TMEM14C: variants seen among roughly 807,000 people sequenced by gnomAD.
TMEM14C encodes chromosome 6 open reading frame 53.
TMEM14C carries 13 observed loss-of-function variants against 14.8 expected under a neutral mutation model. That is an observed-to-expected ratio of 0.88 (90% CI 0.57 to 1.40). TMEM14C has a LOEUF of 1.40. Ranked by LOEUF, TMEM14C falls within the 40% of genes most tolerant of loss-of-function variation. TMEM14C has a pLI of 0.00. For missense variants in TMEM14C, 142 were observed against 138.8 expected (o/e 1.02, Z -0.12); for synonymous variants, 57 against 51.3 (o/e 1.11, Z -0.48).
chr6:10,730,115 TAAAA>T (rs1264350468), intron 5 of TMEM14C, among the ~76,000 whole-genome samples: 2 of 151,842 alleles, frequency 1.3e-5, no homozygotes, highest in Non-Finnish European at 2.9e-5. Flanking sequence ...AAAATAAAAA[TAAAA>T]AACCTTCTCA....
intron 4 of TMEM14C, among the ~76,000 whole-genome samples, chr6:10,726,617 G>T (rs1333550135): frequency 6.6e-6 from 1 of 152,160 alleles, no homozygotes; most frequent in African/African-American, 2.4e-5. Flanking sequence ...TTGAACCTGG[G>T]AGGCAGAGAT....
In TMEM14C at chr6:10,730,881, A is replaced by C; in HGVS notation, c.*215A>C. On this transcript the variant is annotated 3_prime_UTR_variant, in exon 6 of 6. Transcript: ENST00000229563. ...AACACAAGAGCTTAATAAGACCCTC[A>C]TAGAGCTTGATTCTTGTATATTGAT... 1 of 1,217,878 alleles carries C rather than the reference A, an allele frequency of 8.2e-7. No individual in the cohort carries two copies. The highest frequency in any genetic ancestry group is 1.0e-6 in the Non-Finnish European group (1 of 973,574). 75.4% of individuals were successfully genotyped at this position (1,217,878 alleles called of 1,614,324 possible). A position where few individuals can be genotyped will look rare whatever the true frequency, so the allele number is the denominator to read the frequency against.
chr6:10,727,080 A>G (rs566788548), intron 4 of TMEM14C, among the ~76,000 whole-genome samples: 1 of 152,094 alleles, frequency 6.6e-6, no homozygotes, highest in Admixed American at 6.5e-5. Context: ...ATGCTACTCT[A>G]CTCAGCAAAT....
intron 3 of TMEM14C, 48 bp downstream of exon 3, chr6:10,725,085 A>C (rs1442513935): frequency 6.2e-7 from 1 of 1,607,850 alleles, no homozygotes; most frequent in Non-Finnish European, 8.5e-7. Flanking sequence ...ACGTTGTCCC[A>C]GTGAAATGTG....
rs1030979668 is a variant in TMEM14C, at chr6:10,725,909, AGCGT to A, written c.103_106del (p.Val35ArgfsTer12). Reference sequence around the variant, plus strand: ...AAGCTGTGTTTGCTTCCCTCTAGGCAGCGTGCCGTCCCTGGCTGCAGGGCTGCTC... The same window carrying A: ...AAGCTGTGTTTGCTTCCCTCTAGGCAGCCGTCCCTGGCTGCAGGGCTGCTC... On this transcript the variant is annotated frameshift_variant, in exon 4 of 6. Coordinates refer to ENST00000229563, the MANE Select transcript of TMEM14C (RefSeq NM_016462.4). LOFTEE classifies it high-confidence loss of function. 1.2e-6 allele frequency: 2 copies of A among 1,613,546 alleles called. No homozygotes were observed. The highest frequency in any genetic ancestry group is 1.7e-6 in the Non-Finnish European group (2 of 1,180,018).
intron 5 of TMEM14C, among the ~76,000 whole-genome samples, 166 bp from the exon 6 acceptor site, chr6:10,730,449 G>A (rs534807956): frequency 1.8e-4 from 27 of 152,230 alleles, no homozygotes; most frequent in Non-Finnish European, 3.7e-4. Context: ...CCCTTGGCTT[G>A]CTTTTTCTCT....
chr6:10,726,089 G>C, intron 4 of TMEM14C, 81 bp downstream of exon 4: 1 of 1,510,006 alleles, frequency 6.6e-7, no homozygotes, highest in Non-Finnish European at 9.2e-7. Flanking sequence ...TGGTGGGATG[G>C]GGTGAGTTCT....
Position 10,728,674 on chromosome 6 carries a change from G to A in TMEM14C, c.234G>A (p.Met78Ile). The part of the protein sequence containing the change: ...TSGTLAGIMG[M>I]RFYHSGKFMP... Reference sequence around the variant, plus strand: ...GTACCTTGGCTGGCATTATGGGAATGAGGTTCTACCACTCTGGAAAATTCA... The same window carrying A: ...GTACCTTGGCTGGCATTATGGGAATAAGGTTCTACCACTCTGGAAAATTCA... The change falls in exon 5 of 6, where the codon ATG (methionine) becomes ATA (isoleucine). Residue 78 changes from methionine (M) to isoleucine (I), a missense_variant. Met to Ile is a conservative substitution (Grantham distance 10). Coordinates refer to ENST00000229563, the MANE Select transcript of TMEM14C (RefSeq NM_016462.4). 1 of 1,614,190 alleles carries A rather than the reference G, an allele frequency of 6.2e-7. No homozygotes were observed.
At chr6:10,728,961 TC>T in intron 5 of TMEM14C, 2 of 991,172 alleles carry the variant, frequency 2.0e-6, no homozygotes, top group Non-Finnish European at 1.4e-6. Flanking sequence ...TGCTTTCCAG[TC>T]CATCCAAACT....
intron 1 of TMEM14C, among the ~76,000 whole-genome samples, chr6:10,724,263 A>T (rs994742317): frequency 6.6e-6 from 1 of 152,228 alleles, no homozygotes; most frequent in Non-Finnish European, 1.5e-5. Flanking sequence ...AATGACTAAC[A>T]CATTCCCTGA....
In TMEM14C at chr6:10,724,586, G is replaced by A; in HGVS notation, c.-28G>A. 1 of 1,612,582 alleles carries A rather than the reference G, an allele frequency of 6.2e-7. No individual in the cohort carries two copies. The highest frequency in any genetic ancestry group is 8.5e-7 in the Non-Finnish European group (1 of 1,179,194). On this transcript the variant is annotated 5_prime_UTR_variant, in exon 2 of 6. Coordinates refer to ENST00000229563, the MANE Select transcript of TMEM14C (RefSeq NM_016462.4). Reference sequence around the variant, plus strand: ...TTTCTGCAGGTGCAGGCCTGGGGTAGTCTCCTGTCTGGACAGAGAAGAGAA... The same window carrying A: ...TTTCTGCAGGTGCAGGCCTGGGGTAATCTCCTGTCTGGACAGAGAAGAGAA...
intron 4 of TMEM14C, among the ~76,000 whole-genome samples, chr6:10,728,360 CAT>C (rs572160262): frequency 2.6e-5 from 4 of 152,196 alleles, no homozygotes; most frequent in Non-Finnish European, 5.9e-5. Flanking sequence ...AGAAAACTAA[CAT>C]ATTGATGGCT....
chr6:10,727,068 T>G (rs1770884717), intron 4 of TMEM14C, among the ~76,000 whole-genome samples: 1 of 152,118 alleles, frequency 6.6e-6, no homozygotes, highest in Admixed American at 6.6e-5. Context: ...TCCCTTTCTC[T>G]GATGCTACTC....
intron 2 of TMEM14C, 105 bp from the exon 3 acceptor site, chr6:10,724,856 G>A (rs1770808267): frequency 2.1e-6 from 3 of 1,423,392 alleles, no homozygotes; most frequent in Non-Finnish European, 3.0e-6. Flanking sequence ...CTTATTTTCA[G>A]TGATAGGACC....
rs745392313 is a variant in TMEM14C, at chr6:10,725,944, C to A, written c.135C>A (p.Gly45=). The A allele has an allele frequency of 1.2e-6, 2 of 1,614,094 alleles. No homozygotes were observed. Among genetic ancestry groups the A allele is most frequent in the South Asian group, 1.1e-5 (1 of 91,088 alleles). ...CCCTGGCTGCAGGGCTGCTCTTTGG[C>A]AGTCTAGCCGGCCTGGGTGCTTACC... ...VPSLAAGLLF[G]SLAGLGAYQL... Residue 45 remains glycine (G), a synonymous_variant, in exon 4 of 6, where the codon GGC becomes GGA. Transcript: ENST00000229563.
intron 4 of TMEM14C, among the ~76,000 whole-genome samples, 197 bp from the exon 5 acceptor site, chr6:10,728,443 A>C (rs1770930844): frequency 6.6e-6 from 1 of 152,180 alleles, no homozygotes; most frequent in African/African-American, 2.4e-5. Flanking sequence ...CCAGGCTGTG[A>C]AGGGCCCTAT....
chr6:10,730,839 A>C lies in TMEM14C; in HGVS notation c.*173A>C. Reference sequence around the variant, plus strand: ...AAATCAGTCATGATTACAAACCTACAGAGGTGGCGAGTATGTAACACAAGA... The same window carrying C: ...AAATCAGTCATGATTACAAACCTACCGAGGTGGCGAGTATGTAACACAAGA... On this transcript the variant is annotated 3_prime_UTR_variant, in exon 6 of 6. Transcript: ENST00000229563. The C allele has an allele frequency of 7.6e-7, 1 of 1,317,328 alleles. No individual in the cohort carries two copies. The allele number at this position is 1,317,328 out of a possible 1,614,324, so 81.6% of individuals were successfully genotyped here. A position where few individuals can be genotyped will look rare whatever the true frequency, so the allele number is the denominator to read the frequency against.
intron 4 of TMEM14C, among the ~76,000 whole-genome samples, chr6:10,727,377 T>C (rs1483685347): frequency 3.9e-5 from 6 of 152,110 alleles, no homozygotes; most frequent in Non-Finnish European, 7.4e-5. Flanking sequence ...GTCTCACATA[T>C]TGCCCAGGCC....
intron 5 of TMEM14C, 88 bp downstream of exon 5, chr6:10,728,815 A>G (rs1366824254): frequency 6.3e-7 from 1 of 1,592,556 alleles, no homozygotes; most frequent in Non-Finnish European, 8.6e-7. Context: ...TACTTGTTTC[A>G]GGATATCTGA....
Sources: gnomAD v4.1 joint callset for allele counts (sites outside exome capture counted in the v4.1 genomes callset) on GRCh38, gnomAD v4.1.1 for gene constraint, MANE v1.5 for transcripts, NCBI Gene and HGNC (gene_info 2026-07-23, HGNC 2026-07-21) for gene names.